Variants in FAAH2 observed in about 807,000 individuals in gnomAD.
The protein encoded by FAAH2 is fatty acid amide hydrolase 2.
A neutral mutation model predicts 36.9 loss-of-function variants in FAAH2; 60 were observed. The ratio of observed to expected loss-of-function variants is 1.63; its 90% CI spans 1.32 to 2.02. The LOEUF is 2.02. Ranked by LOEUF, FAAH2 falls within the 30% of genes most tolerant of loss-of-function variation. The probability of loss-of-function intolerance (pLI) is 0.00; values close to 1 mark genes in which losing one functional copy is unlikely to be tolerated. For missense variants in FAAH2, 689 were observed against 397.5 expected (o/e 1.73, Z -6.23); for synonymous variants, 214 against 143.8 (o/e 1.49, Z -3.49).
chrX:57,348,473 C>T (rs1175728960), intron 5 of FAAH2, among the ~76,000 whole-genome samples: 1 of 110,916 alleles, frequency 9.0e-6, no homozygotes, highest in African/African-American at 3.3e-5. Context: ...AGAAAGACAC[C>T]CAGGGGCCCA....
chrX:57,200,389 T>C, the FAAH2 span, among the ~76,000 whole-genome samples: 1 of 107,261 alleles, frequency 9.3e-6, no homozygotes, highest in Non-Finnish European at 1.9e-5. Context: ...CTTTTTTTTT[T>C]TTTTTTTTGA....
the FAAH2 span, among the ~76,000 whole-genome samples, chrX:57,153,695 A>G: frequency 8.9e-6 from 1 of 112,468 alleles, no homozygotes. Flanking sequence ...TAGGGCCCCA[A>G]TTCCTTCTAG....
At position 57,393,258 on chromosome X, in the gene FAAH2, G is replaced by A. The variant is rs1426801548; in HGVS notation, c.996+12229G>A. 1.4e-5 allele frequency: 17 copies of A among 1,172,523 alleles called. No homozygotes were observed. The African/African-American group carries it at 2.1e-4, about 15-fold the overall frequency. On this transcript the variant is annotated intron_variant, in intron 7 of 10. Coordinates refer to ENST00000374900, the MANE Select transcript of FAAH2 (RefSeq NM_174912.4). ...AAGTTACTGAAGCCTTTTTCAACCA[G>A]CTCCAGGTTCTCCTCTATGTAAGCC...
At chrX:57,449,590 T>A in intron 10 of FAAH2, among the ~76,000 whole-genome samples, 1 of 111,378 alleles carries the variant, frequency 9.0e-6, no homozygotes, top group East Asian at 2.8e-4. Flanking sequence ...TATCCTTAAT[T>A]TCCTTACCCT....
At chrX:57,158,139 G>A in the FAAH2 span, among the ~76,000 whole-genome samples, 3 of 111,256 alleles carry the variant, frequency 2.7e-5, no homozygotes, top group Non-Finnish European at 5.6e-5. Flanking sequence ...GAGAATGATG[G>A]TTTCCAGCTT....
intron 7 of FAAH2, among the ~76,000 whole-genome samples, chrX:57,385,672 C>T (rs909151546): frequency 3.6e-5 from 4 of 111,907 alleles, no homozygotes; most frequent in Non-Finnish European, 7.5e-5. Context: ...ATTTTGGAGG[C>T]GATCTATTCA....
chrX:57,317,658 A>T (rs1485493614), intron 3 of FAAH2, among the ~76,000 whole-genome samples: 1 of 111,881 alleles, frequency 8.9e-6, no homozygotes, highest in Non-Finnish European at 1.9e-5. Flanking sequence ...GCTCTGGACC[A>T]AGTAGACCTA....
chrX:57,214,997 G>C, the FAAH2 span, among the ~76,000 whole-genome samples: 1 of 108,233 alleles, frequency 9.2e-6, no homozygotes, highest in African/African-American at 3.4e-5. Context: ...TACAGCAAAA[G>C]AAACTAACAT....
At chrX:57,294,448 T>C (rs1158342777) in intron 2 of FAAH2, among the ~76,000 whole-genome samples, 1 of 112,063 alleles carries the variant, frequency 8.9e-6, no homozygotes, top group Non-Finnish European at 1.9e-5. Context: ...TGTTCTTCCA[T>C]CCAGTCACAC....
the FAAH2 span, among the ~76,000 whole-genome samples, chrX:57,187,699 G>A: frequency 3.6e-5 from 4 of 110,953 alleles, no homozygotes; most frequent in East Asian, 5.7e-4. Context: ...ATTGGCCATG[G>A]GTTTGTCACA....
chrX:57,183,832 A>G, the FAAH2 span, among the ~76,000 whole-genome samples: 1 of 111,306 alleles, frequency 9.0e-6, no homozygotes, highest in African/African-American at 3.3e-5. Context: ...GGTCGGGCAA[A>G]AAGAACCATA....
intron 5 of FAAH2, among the ~76,000 whole-genome samples, chrX:57,373,214 T>C (rs1391885857): frequency 9.0e-6 from 1 of 111,500 alleles, no homozygotes. Context: ...CTCTTTCTTA[T>C]AATAACTTCT....
At chrX:57,397,517 C>A (rs1024364125) in intron 7 of FAAH2, among the ~76,000 whole-genome samples, 6 of 110,846 alleles carry the variant, frequency 5.4e-5, no homozygotes, top group Admixed American at 4.8e-4. Context: ...TACGTTTTTT[C>A]ATTTATAAAG....
At chrX:57,317,098 A>C (rs956872008) in intron 3 of FAAH2, among the ~76,000 whole-genome samples, 23 of 112,261 alleles carry the variant, frequency 2.0e-4, no homozygotes, top group Non-Finnish European at 1.3e-4. Flanking sequence ...GACATCACTC[A>C]AAAGAAGACA....
intron 10 of FAAH2, chrX:57,452,238 A>G: frequency 1.3e-6 from 1 of 754,412 alleles, no homozygotes; most frequent in African/African-American, 2.3e-5. Context: ...TATTGGTGCC[A>G]GGAATGCTAA....
At chrX:57,126,983 C>T in the FAAH2 span, 1 of 111,412 alleles carries the variant, frequency 9.0e-6, no homozygotes. Flanking sequence ...TATGAATACT[C>T]CGTGCACTTT....
At chrX:57,421,845 AAT>A (rs1401243219) in intron 7 of FAAH2, among the ~76,000 whole-genome samples, 4 of 111,812 alleles carry the variant, frequency 3.6e-5, no homozygotes, top group Non-Finnish European at 7.5e-5. Flanking sequence ...GAAATAAAGC[AAT>A]GTTTTCCCAA....
rs142534517 is a variant in FAAH2, at chrX:57,457,700, CA to C, written c.1423+8996del. Among the ~76,000 whole-genome samples, 133 of 86,322 alleles carry C rather than the reference CA, an allele frequency of 1.5e-3. 1 individual carries two copies. The highest frequency in any genetic ancestry group is 5.2e-3 in the African/African-American group (122 of 23,618). The allele number at this position is 86,322 out of a possible 115,157, so 75.0% of individuals were successfully genotyped here. A position where few individuals can be genotyped will look rare whatever the true frequency, so the allele number is the denominator to read the frequency against. On this transcript the variant is annotated intron_variant, in intron 10 of 10. Coordinates refer to ENST00000374900, the MANE Select transcript of FAAH2 (RefSeq NM_174912.4). ...AACAGAATTCCATTTACAATAGCCA[CA>C]AAAAAAAAAAAAAGGAATACCTAGG...
chrX:57,378,569 T>G, intron 5 of FAAH2, 82 bp from the exon 6 acceptor site: 1 of 1,127,878 alleles, frequency 8.9e-7, no homozygotes, highest in South Asian at 2.0e-5. Context: ...GTATTTAAGA[T>G]AGATTAAACA....
Sources: allele counts gnomAD v4.1 joint callset (sites outside exome capture counted in the v4.1 genomes callset), GRCh38; gene constraint gnomAD v4.1.1; transcripts MANE v1.5; gene names NCBI Gene and HGNC (gene_info 2026-07-23, HGNC 2026-07-21).